CCR5AS: variants seen among roughly 807,000 people sequenced by gnomAD.
CCR5AS encodes the protein CCR5 antisense RNA.
intron 1 of CCR5AS, among the ~76,000 whole-genome samples, chr3:46,406,456 A>T: frequency 6.7e-6 from 1 of 148,168 alleles, no homozygotes; most frequent in Non-Finnish European, 1.5e-5. Context: ...TCCCCTCCCC[A>T]CAGCCTCCTC....
intron 2 of CCR5AS, chr3:46,375,141 A>T (rs1180335941): frequency 6.0e-6 from 1 of 167,072 alleles, no homozygotes; most frequent in Non-Finnish European, 1.5e-5. Flanking sequence ...CAGAGCTTGA[A>T]CACAGTCTCA....
intron 2 of CCR5AS, chr3:46,372,616 A>G: frequency 4.2e-6 from 1 of 236,094 alleles, no homozygotes; most frequent in Non-Finnish European, 8.2e-6. Context: ...CATTCACTCC[A>G]TGGTGCTATA....
intron 1 of CCR5AS, among the ~76,000 whole-genome samples, chr3:46,405,536 C>T (rs574848954): frequency 1.3e-5 from 2 of 152,260 alleles, no homozygotes; most frequent in Admixed American, 6.5e-5. Flanking sequence ...TCCTGAGTGT[C>T]CTGCCCAGCT....
At chr3:46,386,908 T>C (rs1014268831) in intron 2 of CCR5AS, among the ~76,000 whole-genome samples, 3 of 152,102 alleles carry the variant, frequency 2.0e-5, no homozygotes, top group African/African-American at 7.2e-5. Context: ...GAGAGGAGCA[T>C]AGAGGAAACA....
chr3:46,372,138 T>C (rs915551382), intron 2 of CCR5AS, among the ~76,000 whole-genome samples: 2 of 152,236 alleles, frequency 1.3e-5, no homozygotes, highest in Non-Finnish European at 2.9e-5. Context: ...AGAACAGTGA[T>C]TGGCATCCAG....
Position 46,373,726 on chromosome 3 carries a change from T to G in CCR5AS, n.392-2309A>C, listed in dbSNP as rs112762802. On this transcript the variant is annotated intron_variant and non_coding_transcript_variant, in intron 2 of 3. Transcript: ENST00000451485. ...AATAATTGCAGTAGCTCTAACAGGT[T>G]GGACCAAGCTATGCAGGTGACAGAG... The G allele has an allele frequency of 1.7e-5, 28 of 1,613,978 alleles. No individual in the cohort carries two copies. In the Admixed American group the frequency reaches 1.8e-4, roughly 11 times the overall value.
intron 1 of CCR5AS, among the ~76,000 whole-genome samples, chr3:46,403,303 T>C (rs916093): frequency 0.19 from 28,186 of 152,160 alleles, 3,356 homozygotes; most frequent in African/African-American, 0.33. Context: ...TACCTATTTC[T>C]CAAGATCAAG....
chr3:46,369,428 C>T (rs958449236), intron 3 of CCR5AS, among the ~76,000 whole-genome samples: 9 of 137,310 alleles, frequency 6.6e-5, no homozygotes, highest in Non-Finnish European at 1.4e-4. Flanking sequence ...AGACATATGT[C>T]CCTATATGGG....
chr3:46,376,899 G>A (rs1701766790), intron 2 of CCR5AS, among the ~76,000 whole-genome samples: 1 of 152,142 alleles, frequency 6.6e-6, no homozygotes, highest in Non-Finnish European at 1.5e-5. Flanking sequence ...CCTATTTGGA[G>A]GTGCATGAAA....
At chr3:46,381,258 T>A (rs1443906413) in intron 2 of CCR5AS, among the ~76,000 whole-genome samples, 2 of 152,198 alleles carry the variant, frequency 1.3e-5, no homozygotes, top group Non-Finnish European at 2.9e-5. Context: ...ATTTTGCTTA[T>A]GTGGCTAAAG....
At chr3:46,406,441 C>T (rs1165563678) in intron 1 of CCR5AS, among the ~76,000 whole-genome samples, 1 of 151,904 alleles carries the variant, frequency 6.6e-6, no homozygotes, top group Non-Finnish European at 1.5e-5. Context: ...TCTCTTCCCA[C>T]AGCCTCCCCT....
At chr3:46,404,317 C>CTT (rs1702028300) in intron 1 of CCR5AS, among the ~76,000 whole-genome samples, 1 of 88,428 alleles carries the variant, frequency 1.1e-5, no homozygotes, top group African/African-American at 5.1e-5. Flanking sequence ...CTCTCTCTCT[C>CTT]TCTCTCTCTC....
chr3:46,367,255 C>T (rs1381041477), intron 3 of CCR5AS, among the ~76,000 whole-genome samples: 1 of 151,646 alleles, frequency 6.6e-6, no homozygotes, highest in Non-Finnish European at 1.5e-5. Flanking sequence ...TATCAAAACT[C>T]ACCAAGCTGT....
downstream of CCR5AS, among the ~76,000 whole-genome samples, chr3:46,364,203 G>A (rs927976460): frequency 2.6e-5 from 4 of 152,254 alleles, no homozygotes; most frequent in Non-Finnish European, 5.9e-5. Context: ...GAGAGGAGAT[G>A]TCAAGGCAAG....
chr3:46,400,847 A>C (rs2106780007), intron 1 of CCR5AS, among the ~76,000 whole-genome samples: 1 of 152,370 alleles, frequency 6.6e-6, no homozygotes, highest in East Asian at 1.9e-4. Flanking sequence ...AGTGGAGCCC[A>C]CAGCAGTCTC....
chr3:46,396,947 G>A (rs1417127696), intron 1 of CCR5AS, among the ~76,000 whole-genome samples: 2 of 152,170 alleles, frequency 1.3e-5, no homozygotes, highest in Non-Finnish European at 2.9e-5. Context: ...AGTCACAGGT[G>A]CTAATAAATA....
chr3:46,373,212 T>C (rs1407035921), intron 2 of CCR5AS: 3 of 1,614,102 alleles, frequency 1.9e-6, no homozygotes, highest in Non-Finnish European at 2.5e-6. Context: ...GTGTCAACTC[T>C]TGACAGGGCT....
chr3:46,391,212 AG>A (rs1701910681), intron 2 of CCR5AS, among the ~76,000 whole-genome samples: 1 of 152,114 alleles, frequency 6.6e-6, no homozygotes, highest in Admixed American at 6.5e-5. Flanking sequence ...ATCCTGGGGG[AG>A]GAGGTCCTGG....
intron 2 of CCR5AS, among the ~76,000 whole-genome samples, chr3:46,381,680 A>T (rs1701818268): frequency 6.6e-6 from 1 of 152,230 alleles, no homozygotes; most frequent in Non-Finnish European, 1.5e-5. Context: ...ATTACCAAAG[A>T]CTATTCAAAA....
Sources: allele counts gnomAD v4.1 joint callset (sites outside exome capture counted in the v4.1 genomes callset), GRCh38; gene constraint gnomAD v4.1.1; transcripts MANE v1.5; gene names NCBI Gene and HGNC (gene_info 2026-07-23, HGNC 2026-07-21).